The following CYP7B1 variants were observed in gnomAD, a reference collection of about 807,000 sequenced individuals.
The protein encoded by CYP7B1 is cytochrome P450 family 7 subfamily B member 1.
In CYP7B1, 29 loss-of-function variants were observed where a neutral mutation model predicts 42.7. The observed-to-expected ratio is 0.68, with a 90% CI of 0.51 to 0.93. CYP7B1 has a LOEUF of 0.93. Ranked by LOEUF, CYP7B1 falls within the 40% of genes least tolerant of loss-of-function variation. CYP7B1 has a pLI of 0.00. For synonymous variants in CYP7B1, 235 were observed against 218.2 expected, an observed-to-expected ratio of 1.08 and a Z score of -0.68; for missense variants, 655 against 600.5, an observed-to-expected ratio of 1.09 and a Z score of -0.95.
intron 1 of CYP7B1, among the ~76,000 whole-genome samples, chr8:64,738,192 T>C (rs1049091593): frequency 2.0e-5 from 3 of 152,342 alleles, no homozygotes; most frequent in South Asian, 2.1e-4. Context: ...CTTTTCTAAC[T>C]CTGGAGTAAT....
intron 1 of CYP7B1, among the ~76,000 whole-genome samples, chr8:64,747,176 G>A (rs1238335472): frequency 6.8e-6 from 1 of 147,202 alleles, no homozygotes; most frequent in Non-Finnish European, 1.5e-5. Context: ...TATTACATAA[G>A]CATTATATTT....
intron 4 of CYP7B1, among the ~76,000 whole-genome samples, chr8:64,614,351 A>G (rs1169491835): frequency 6.6e-6 from 1 of 152,152 alleles, no homozygotes; most frequent in Non-Finnish European, 1.5e-5. Context: ...GTGACCATGT[A>G]TATCTCATGA....
At chr8:64,733,552 T>C (rs1807444566) in intron 1 of CYP7B1, among the ~76,000 whole-genome samples, 1 of 152,204 alleles carries the variant, frequency 6.6e-6, no homozygotes. Flanking sequence ...AGCTCTTCTC[T>C]ACCATACGCT....
At chr8:64,632,082 G>A (rs1022011157) in intron 1 of CYP7B1, among the ~76,000 whole-genome samples, 7 of 152,006 alleles carry the variant, frequency 4.6e-5, no homozygotes, top group African/African-American at 9.7e-5. Flanking sequence ...GATATTTATC[G>A]AAAAGAATGA....
intron 1 of CYP7B1, among the ~76,000 whole-genome samples, chr8:64,746,167 G>A (rs778680905): frequency 6.6e-6 from 1 of 152,052 alleles, no homozygotes; most frequent in Non-Finnish European, 1.5e-5. Flanking sequence ...AATATAGCCA[G>A]GTCTTTTGTT....
intron 1 of CYP7B1, among the ~76,000 whole-genome samples, chr8:64,793,974 A>C (rs913568015): frequency 5.9e-5 from 9 of 151,882 alleles, no homozygotes; most frequent in African/African-American, 2.2e-4. Context: ...AAAAAAAAAA[A>C]CAATCAACCA....
chr8:64,647,223 T>C (rs947044995), intron 1 of CYP7B1, among the ~76,000 whole-genome samples: 1 of 152,124 alleles, frequency 6.6e-6, no homozygotes, highest in Non-Finnish European at 1.5e-5. Context: ...CACTATCTTA[T>C]ATGGGTGCAA....
chr8:64,594,325 G>A lies in CYP7B1; in HGVS notation c.*2317C>T, dbSNP rs753251722. Among the ~76,000 whole-genome samples, 1 of 152,102 alleles carries A rather than the reference G, an allele frequency of 6.6e-6. No homozygotes were observed. Among genetic ancestry groups the A allele is most frequent in the Non-Finnish European group, 1.5e-5 (1 of 68,028 alleles). On this transcript the variant is annotated 3_prime_UTR_variant, in exon 6 of 6. Transcript: ENST00000310193. Reference sequence around the variant, plus strand: ...ATTATGGATTGCTGTGCAGCAGTTAGAAGCAATAGATTAAATATAGTAGTA... The same window carrying A: ...ATTATGGATTGCTGTGCAGCAGTTAAAAGCAATAGATTAAATATAGTAGTA...
chr8:64,732,422 T>A (rs544148319), intron 1 of CYP7B1, among the ~76,000 whole-genome samples: 2 of 152,296 alleles, frequency 1.3e-5, no homozygotes, highest in Admixed American at 1.3e-4. Flanking sequence ...ATTTCTCCCA[T>A]CTGAAATGGG....
chr8:64,786,544 C>T (rs1328860493), intron 1 of CYP7B1, among the ~76,000 whole-genome samples: 1 of 152,202 alleles, frequency 6.6e-6, no homozygotes, highest in East Asian at 1.9e-4. Context: ...CCTTCCATGG[C>T]CTTGGGCAGC....
intron 1 of CYP7B1, chr8:64,729,129 C>T (rs1200104171): frequency 6.6e-6 from 1 of 152,176 alleles, no homozygotes; most frequent in Non-Finnish European, 1.5e-5. Flanking sequence ...CACTGCACTC[C>T]CGCCTGGGCA....
intron 1 of CYP7B1, among the ~76,000 whole-genome samples, chr8:64,702,043 C>T (rs187977522): frequency 1.6e-4 from 24 of 152,094 alleles, no homozygotes; most frequent in Non-Finnish European, 5.9e-5. Context: ...TTTTGGAACA[C>T]GACCGGTGCT....
intron 1 of CYP7B1, among the ~76,000 whole-genome samples, chr8:64,770,683 G>T (rs1804207705): frequency 6.6e-6 from 1 of 152,190 alleles, no homozygotes; most frequent in African/African-American, 2.4e-5. Flanking sequence ...GCCATTCCTT[G>T]GTGCTCAAGA....
At chr8:64,670,552 C>G (rs1426783291) in intron 1 of CYP7B1, among the ~76,000 whole-genome samples, 1 of 152,116 alleles carries the variant, frequency 6.6e-6, no homozygotes, top group Admixed American at 6.5e-5. Flanking sequence ...CAATTAAGAG[C>G]TGACCCACAA....
chr8:64,769,860 C>T (rs1347916274), intron 1 of CYP7B1, among the ~76,000 whole-genome samples: 1 of 152,164 alleles, frequency 6.6e-6, no homozygotes, highest in East Asian at 1.9e-4. Flanking sequence ...AGACTGACAT[C>T]CACCTCATTC....
chr8:64,608,953 G>A (rs1002067234), intron 4 of CYP7B1, among the ~76,000 whole-genome samples: 23 of 152,220 alleles, frequency 1.5e-4, no homozygotes, highest in African/African-American at 5.1e-4. Context: ...TAAATTCGGC[G>A]TTCATATATT....
At chr8:64,765,652 T>A (rs1207007601) in intron 1 of CYP7B1, among the ~76,000 whole-genome samples, 1 of 152,006 alleles carries the variant, frequency 6.6e-6, no homozygotes, top group East Asian at 1.9e-4. Flanking sequence ...GGTCCATGGG[T>A]GGTTACGCAC....
At chr8:64,763,957 G>C (rs887001731) in intron 1 of CYP7B1, among the ~76,000 whole-genome samples, 22 of 152,124 alleles carry the variant, frequency 1.4e-4, no homozygotes, top group African/African-American at 5.3e-4. Context: ...GGTACTAATG[G>C]TTCAGACTTT....
chr8:64,653,062 C>T (rs1806064414), intron 1 of CYP7B1, among the ~76,000 whole-genome samples: 1 of 152,040 alleles, frequency 6.6e-6, no homozygotes, highest in South Asian at 2.1e-4. Context: ...GATCTCAAAT[C>T]AGCAACCTAA....
Sources: gnomAD v4.1 joint callset for allele counts (sites outside exome capture counted in the v4.1 genomes callset) on GRCh38, gnomAD v4.1.1 for gene constraint, MANE v1.5 for transcripts, NCBI Gene and HGNC (gene_info 2026-07-23, HGNC 2026-07-21) for gene names.